DPYD: variants seen among roughly 807,000 people sequenced by gnomAD.
DPYD encodes dihydropyrimidine dehydrogenase, also known as dihydropyrimidine dehydrogenase [NADP(+)].
Under a neutral mutation model 116.2 loss-of-function variants are expected in DPYD, and 109 were observed. The observed-to-expected ratio is 0.94, with a 90% CI of 0.80 to 1.10. The LOEUF (loss-of-function observed/expected upper bound fraction) is 1.10, where lower values mean the gene tolerates loss of function less well. DPYD is among the 50% of genes least tolerant of loss of function. The probability of loss-of-function intolerance (pLI) is 0.00; values close to 1 mark genes in which losing one functional copy is unlikely to be tolerated. For missense variants in DPYD, 1,302 were observed against 1,254.5 expected (o/e 1.04, Z -0.57); for synonymous variants, 440 against 432.0 (o/e 1.02, Z -0.23).
chr1:97,723,268 T>C (rs1315266172), intron 4 of DPYD, among the ~76,000 whole-genome samples: 1 of 151,594 alleles, frequency 6.6e-6, no homozygotes, highest in African/African-American at 2.4e-5. Context: ...AAGAATGTGG[T>C]ATGAAATTAA....
At chr1:97,657,505 A>G (rs991482323) in intron 8 of DPYD, among the ~76,000 whole-genome samples, 1 of 152,228 alleles carries the variant, frequency 6.6e-6, no homozygotes, top group Non-Finnish European at 1.5e-5. Flanking sequence ...TGTAATATAA[A>G]GCAAATTATT....
chr1:97,662,607 T>C (rs1450384421), intron 8 of DPYD, among the ~76,000 whole-genome samples: 1 of 152,030 alleles, frequency 6.6e-6, no homozygotes, highest in Non-Finnish European at 1.5e-5. Context: ...CACTCCAGCC[T>C]GGGCGACAGA....
At chr1:97,610,492 A>C (rs1233214083) in intron 8 of DPYD, among the ~76,000 whole-genome samples, 2 of 152,056 alleles carry the variant, frequency 1.3e-5, no homozygotes, top group African/African-American at 4.8e-5. Context: ...TGAAAGATTT[A>C]ATTCAACTGG....
At chr1:97,436,542 A>C (rs541923947) in intron 14 of DPYD, among the ~76,000 whole-genome samples, 2 of 152,038 alleles carry the variant, frequency 1.3e-5, no homozygotes, top group Non-Finnish European at 2.9e-5. Flanking sequence ...TTCTCACCCC[A>C]AAGGCAGCCT....
intron 13 of DPYD, among the ~76,000 whole-genome samples, chr1:97,499,789 G>A (rs577193071): frequency 6.6e-6 from 1 of 151,964 alleles, no homozygotes; most frequent in African/African-American, 2.4e-5. Context: ...TGGAAATACT[G>A]AAAAGTTTTT....
intron 19 of DPYD, among the ~76,000 whole-genome samples, chr1:97,206,638 TTATATATATATATATATATATA>T (rs57893705): frequency 0.014 from 664 of 48,994 alleles, 33 homozygotes; most frequent in African/African-American, 0.027. Context: ...CAGGGAGATT[TTATATATATATATATATATATA>T]TATATATATA....
At chr1:97,604,915 A>G (rs1655490263) in intron 8 of DPYD, among the ~76,000 whole-genome samples, 1 of 152,112 alleles carries the variant, frequency 6.6e-6, no homozygotes, top group South Asian at 2.1e-4. Flanking sequence ...AGTACCTTTT[A>G]GAAGTATGCA....
At chr1:97,832,995 G>GAAAAAAAA (rs1161903108) in intron 2 of DPYD, among the ~76,000 whole-genome samples, 9 of 58,972 alleles carry the variant, frequency 1.5e-4, no homozygotes, top group Non-Finnish European at 1.9e-4. Context: ...AAGAGGCAAA[G>GAAAAAAAA]AAAAAAAAAA....
chr1:97,625,020 TC>T (rs1469895277), intron 8 of DPYD, among the ~76,000 whole-genome samples: 2 of 152,038 alleles, frequency 1.3e-5, no homozygotes, highest in Admixed American at 6.6e-5. Flanking sequence ...TGTGCTTTTT[TC>T]TTTTTTTTGA....
intron 1 of DPYD, among the ~76,000 whole-genome samples, chr1:97,898,743 G>A (rs775668118): frequency 2.3e-4 from 35 of 151,746 alleles, no homozygotes; most frequent in Middle Eastern, 3.2e-3. Flanking sequence ...GAATCATCAG[G>A]GAGGTTTCCC....
At chr1:97,280,217 T>G (rs566301232) in intron 18 of DPYD, 1 of 152,228 alleles carries the variant, frequency 6.6e-6, no homozygotes, top group East Asian at 1.9e-4. Flanking sequence ...GTCTTTTTTT[T>G]TACATGAACT....
chr1:97,743,671 A>G (rs1216029756), intron 3 of DPYD, among the ~76,000 whole-genome samples: 1 of 152,146 alleles, frequency 6.6e-6, no homozygotes, highest in Non-Finnish European at 1.5e-5. Context: ...GAATGTTATT[A>G]CCTAAATTGC....
At chr1:97,655,731 C>G (rs901233600) in intron 8 of DPYD, among the ~76,000 whole-genome samples, 1 of 152,126 alleles carries the variant, frequency 6.6e-6, no homozygotes, top group Admixed American at 6.6e-5. Flanking sequence ...GCCTCCACCC[C>G]GCCCCAACCA....
chr1:97,416,269 C>A (rs898278292), intron 14 of DPYD, among the ~76,000 whole-genome samples: 3 of 152,160 alleles, frequency 2.0e-5, no homozygotes, highest in South Asian at 4.1e-4. Context: ...AATAAATTCA[C>A]ATAAATTAAT....
chr1:97,176,105 G>C (rs1570607278), intron 20 of DPYD, among the ~76,000 whole-genome samples: 2 of 152,168 alleles, frequency 1.3e-5, no homozygotes, highest in African/African-American at 4.8e-5. Flanking sequence ...AGTTGAAAAT[G>C]TTTCAGCTTT....
chr1:97,145,903 G>A (rs1654591309), intron 20 of DPYD, among the ~76,000 whole-genome samples: 1 of 151,722 alleles, frequency 6.6e-6, no homozygotes, highest in Non-Finnish European at 1.5e-5. Context: ...TTTTTAATAG[G>A]TGTGCTTACC....
intron 20 of DPYD, among the ~76,000 whole-genome samples, chr1:97,175,027 A>G (rs1657146339): frequency 6.6e-6 from 1 of 152,114 alleles, no homozygotes; most frequent in Non-Finnish European, 1.5e-5. Context: ...AGATTCAATT[A>G]CCTCAAAACC....
Position 97,314,688 on chromosome 1 carries a change from A to G in DPYD, c.2059-8391T>C, listed in dbSNP as rs78361288. Among the ~76,000 whole-genome samples the G allele has an allele frequency of 7.0e-3, 1,057 of 151,934 alleles. 21 individuals are homozygous for G. The highest frequency in any genetic ancestry group is 0.024 in the African/African-American group (995 of 41,470). On this transcript the variant is annotated intron_variant, in intron 16 of 22. Transcript: ENST00000370192. Reference sequence around the variant, plus strand: ...AGAGATCAGCCCTGAAAGCTGTTCAAATTTCAGATCTCCTCTGCCACAATT... The same window carrying G: ...AGAGATCAGCCCTGAAAGCTGTTCAGATTTCAGATCTCCTCTGCCACAATT...
intron 19 of DPYD, among the ~76,000 whole-genome samples, chr1:97,213,301 G>C (rs1451386167): frequency 3.9e-5 from 6 of 152,018 alleles, no homozygotes; most frequent in Non-Finnish European, 8.8e-5. Flanking sequence ...ACAACTTTTA[G>C]CTTACAAAAG....
Sources: allele counts gnomAD v4.1 joint callset (sites outside exome capture counted in the v4.1 genomes callset), GRCh38; gene constraint gnomAD v4.1.1; transcripts MANE v1.5; gene names NCBI Gene and HGNC (gene_info 2026-07-23, HGNC 2026-07-21).